LPP: variants seen among roughly 807,000 people sequenced by gnomAD.
The protein encoded by LPP is LIM domain containing preferred translocation partner in lipoma, also known as lipoma-preferred partner.
In LPP, 38 loss-of-function variants were observed where a neutral mutation model predicts 60.4. The observed-to-expected ratio is 0.63, with a 90% CI of 0.49 to 0.83. The LOEUF is 0.83. LPP is among the 40% of genes least tolerant of loss of function. LPP has a pLI of 0.00. For synonymous variants in LPP, 328 were observed against 290.8 expected, an observed-to-expected ratio of 1.13 and a Z score of -1.30; for missense variants, 902 against 783.6, an observed-to-expected ratio of 1.15 and a Z score of -1.80.
intron 9 of LPP, among the ~76,000 whole-genome samples, chr3:188,851,947 G>T (rs190947807): frequency 3.3e-5 from 5 of 152,258 alleles, no homozygotes; most frequent in Admixed American, 3.3e-4. Flanking sequence ...CAGATCACTT[G>T]AGGCCGGGGA....
chr3:188,501,258 A>G (rs1381159131), intron 5 of LPP, among the ~76,000 whole-genome samples: 1 of 151,986 alleles, frequency 6.6e-6, no homozygotes, highest in East Asian at 1.9e-4. Flanking sequence ...TTTCATGTTC[A>G]TTCATTTTTA....
intron 8 of LPP, among the ~76,000 whole-genome samples, chr3:188,731,898 C>T (rs1271093289): frequency 1.3e-5 from 2 of 152,060 alleles, no homozygotes; most frequent in African/African-American, 2.4e-5. Flanking sequence ...TTCCCTATCT[C>T]GTTTTCTTTC....
chr3:188,192,934 C>T (rs1398746076), intron 1 of LPP, among the ~76,000 whole-genome samples: 3 of 152,218 alleles, frequency 2.0e-5, no homozygotes, highest in Non-Finnish European at 4.4e-5. Context: ...CAAGACCATT[C>T]TCAGGGAGAT....
At chr3:188,366,959 C>T (rs1771363177) in intron 3 of LPP, among the ~76,000 whole-genome samples, 1 of 151,452 alleles carries the variant, frequency 6.6e-6, no homozygotes, top group South Asian at 2.1e-4. Context: ...TGCAGTGGTG[C>T]GATCTCGCCT....
At chr3:188,345,031 C>G (rs1286091581) in intron 3 of LPP, among the ~76,000 whole-genome samples, 2 of 152,164 alleles carry the variant, frequency 1.3e-5, no homozygotes, top group Admixed American at 6.5e-5. Flanking sequence ...GTAATCTAAA[C>G]AAATTATTTC....
At chr3:188,452,985 G>A (rs149606978) in intron 4 of LPP, among the ~76,000 whole-genome samples, 1 of 152,158 alleles carries the variant, frequency 6.6e-6, no homozygotes, top group Non-Finnish European at 1.5e-5. Flanking sequence ...CATGACCATG[G>A]TTCTTACTGG....
intron 6 of LPP, among the ~76,000 whole-genome samples, chr3:188,603,957 T>C (rs1841933842): frequency 6.6e-6 from 1 of 152,170 alleles, no homozygotes; most frequent in African/African-American, 2.4e-5. Context: ...TCTTAAGCAG[T>C]TTCCCATGTC....
chr3:188,306,762 GA>G (rs1447855292), intron 2 of LPP, among the ~76,000 whole-genome samples: 47 of 152,290 alleles, frequency 3.1e-4, no homozygotes, highest in African/African-American at 1.1e-3. Flanking sequence ...TTGCCACGTG[GA>G]GATGCATCAT....
intron 6 of LPP, among the ~76,000 whole-genome samples, chr3:188,606,615 A>C (rs1365425406): frequency 6.6e-6 from 1 of 152,078 alleles, no homozygotes; most frequent in Non-Finnish European, 1.5e-5. Context: ...AATAGTACTA[A>C]ATAGAAACAT....
intron 7 of LPP, among the ~76,000 whole-genome samples, chr3:188,619,599 T>C (rs1453825338): frequency 1.3e-5 from 2 of 152,364 alleles, no homozygotes; most frequent in Non-Finnish European, 2.9e-5. Context: ...CAATGGCTGC[T>C]CTCACACTAT....
chr3:188,627,031 C>T (rs1284542618), intron 7 of LPP, among the ~76,000 whole-genome samples: 1 of 152,062 alleles, frequency 6.6e-6, no homozygotes, highest in Non-Finnish European at 1.5e-5. Flanking sequence ...GCAGCATATT[C>T]ATTGATTAAC....
At chr3:188,514,910 C>T (rs1816888086) in intron 5 of LPP, among the ~76,000 whole-genome samples, 1 of 152,084 alleles carries the variant, frequency 6.6e-6, no homozygotes. Context: ...GAAAACATGG[C>T]TGTTTTGGCA....
intron 2 of LPP, among the ~76,000 whole-genome samples, chr3:188,309,932 A>G (rs1752850840): frequency 6.6e-6 from 1 of 152,204 alleles, no homozygotes; most frequent in South Asian, 2.1e-4. Context: ...AGAGAGTAAA[A>G]AGGAGTACTT....
intron 6 of LPP, among the ~76,000 whole-genome samples, chr3:188,558,160 C>G (rs1225480436): frequency 6.6e-6 from 1 of 152,052 alleles, no homozygotes; most frequent in African/African-American, 2.4e-5. Flanking sequence ...AAACTAACTC[C>G]CTCATTCTGG....
At chr3:188,799,004 T>A (rs1322739520) in intron 9 of LPP, among the ~76,000 whole-genome samples, 1 of 152,246 alleles carries the variant, frequency 6.6e-6, no homozygotes, top group Non-Finnish European at 1.5e-5. Context: ...TTCAGCTACA[T>A]GTGTGTAGTT....
At chr3:188,192,443 C>G (rs887807970) in intron 1 of LPP, among the ~76,000 whole-genome samples, 2 of 152,204 alleles carry the variant, frequency 1.3e-5, no homozygotes, top group African/African-American at 4.8e-5. Context: ...TCCATTTAAT[C>G]TCTCCCACAG....
Position 188,485,613 on chromosome 3 carries a change from C to T in LPP, c.306+909C>T, listed in dbSNP as rs374176545. Among the ~76,000 whole-genome samples, 41 of 151,050 alleles carry T rather than the reference C, an allele frequency of 2.7e-4. No homozygotes were observed. The East Asian group carries it at 5.5e-3, about 20-fold the overall frequency. ...GAGATCGAGACCATCCCGGCTAAAA[C>T]GGTGAAACCCCGTCTCTACTAAAAA... On this transcript the variant is annotated intron_variant, in intron 5 of 11. Transcript: ENST00000617246.
rs886640543 is a variant in LPP at position 188,877,779 on chromosome 3, C to T, written c.*3300C>T. On this transcript the variant is annotated 3_prime_UTR_variant, in exon 12 of 12. Transcript: ENST00000617246. Reference sequence around the variant, plus strand: ...ATAAATAATCGACTCAAAAATAAGTCATGTGTCCCAGCATAAGGCATCAGG... The same window carrying T: ...ATAAATAATCGACTCAAAAATAAGTTATGTGTCCCAGCATAAGGCATCAGG... 9 of 212,664 alleles carry T rather than the reference C, an allele frequency of 4.2e-5. No homozygotes were observed. Among genetic ancestry groups the T allele is most frequent in the African/African-American group, 1.8e-4 (8 of 44,324 alleles). The allele number at this position is 212,664 out of a possible 1,614,324, so 13.2% of individuals were successfully genotyped here.
chr3:188,169,348 A>C (rs900524186), intron 1 of LPP, among the ~76,000 whole-genome samples: 3 of 152,196 alleles, frequency 2.0e-5, no homozygotes, highest in Non-Finnish European at 2.9e-5. Context: ...TGCAGTGTGT[A>C]AGGCACTTAG....
Sources: gnomAD v4.1 joint callset for allele counts (sites outside exome capture counted in the v4.1 genomes callset) on GRCh38, gnomAD v4.1.1 for gene constraint, MANE v1.5 for transcripts, NCBI Gene and HGNC (gene_info 2026-07-23, HGNC 2026-07-21) for gene names.